The following LGMN variants were observed in gnomAD, a reference collection of about 807,000 sequenced individuals.
LGMN encodes legumain.
In LGMN, 36 loss-of-function variants were observed where a neutral mutation model predicts 56.8. The observed-to-expected ratio is 0.63, with a 90% CI of 0.49 to 0.84. The LOEUF is 0.84. Ranked by LOEUF, LGMN falls within the 40% of genes least tolerant of loss-of-function variation. The probability of loss-of-function intolerance (pLI) is 0.00; values close to 1 mark genes in which losing one functional copy is unlikely to be tolerated. For missense variants in LGMN, 446 were observed against 556.1 expected, an observed-to-expected ratio of 0.80 and a Z score of 1.99; for synonymous variants, 199 against 210.1, an observed-to-expected ratio of 0.95 and a Z score of 0.46.
intron 5 of LGMN, among the ~76,000 whole-genome samples, chr14:92,715,586 A>C (rs1317549467): frequency 6.6e-6 from 1 of 152,200 alleles, no homozygotes; most frequent in Non-Finnish European, 1.5e-5. Context: ...ATGCTACTAG[A>C]ATCTCTGGCA....
At chr14:92,732,447 T>C (rs1891095805) in intron 2 of LGMN, 1 of 561,678 alleles carries the variant, frequency 1.8e-6, no homozygotes, top group African/African-American at 1.9e-5. Context: ...TTTTCCAAAA[T>C]GGCTACACCA....
chr14:92,745,658 A>G (rs550261880), intron 1 of LGMN, among the ~76,000 whole-genome samples: 1 of 152,320 alleles, frequency 6.6e-6, no homozygotes, highest in Admixed American at 6.5e-5. Context: ...AACCATTATA[A>G]ACAGTGTTGC....
intron 2 of LGMN, among the ~76,000 whole-genome samples, chr14:92,719,218 A>ACCG (rs1890259823): frequency 2.1e-5 from 2 of 94,872 alleles, no homozygotes; most frequent in African/African-American, 1.0e-4. Context: ...CACCGCCACC[A>ACCG]ACACCACCAC....
intron 12 of LGMN, chr14:92,705,039 G>A (rs1447832276): frequency 1.1e-5 from 3 of 280,668 alleles, no homozygotes; most frequent in Non-Finnish European, 2.2e-5. Flanking sequence ...TTTGATTCTG[G>A]GAGGGACACG....
chr14:92,734,511 G>A (rs1349716225), intron 1 of LGMN, among the ~76,000 whole-genome samples: 1 of 151,998 alleles, frequency 6.6e-6, no homozygotes, highest in Non-Finnish European at 1.5e-5. Flanking sequence ...GTGGTGGCAG[G>A]AGCCTGTAAT....
chr14:92,746,793 T>C (rs1003884095), intron 1 of LGMN, among the ~76,000 whole-genome samples: 1 of 151,946 alleles, frequency 6.6e-6, no homozygotes, highest in African/African-American at 2.4e-5. Flanking sequence ...TCTCAGCACT[T>C]TGGGAGGCCG....
At chr14:92,742,601 T>TA (rs890321788) in intron 1 of LGMN, among the ~76,000 whole-genome samples, 17 of 152,052 alleles carry the variant, frequency 1.1e-4, no homozygotes, top group African/African-American at 3.1e-4. Flanking sequence ...TTGCTGTTTT[T>TA]AAAAAATACC....
chr14:92,719,114 ACCC>A (rs1210269159), intron 2 of LGMN, among the ~76,000 whole-genome samples: 2 of 149,598 alleles, frequency 1.3e-5, no homozygotes, highest in East Asian at 3.9e-4. Context: ...GCACATACAC[ACCC>A]CACCACCACA....
At chr14:92,738,348 G>A (rs372468509) in intron 1 of LGMN, among the ~76,000 whole-genome samples, 3 of 150,386 alleles carry the variant, frequency 2.0e-5, no homozygotes, top group East Asian at 2.0e-4. Flanking sequence ...GCGCTATCTC[G>A]GCTCACTGCA....
rs1052887112 is a variant in LGMN, at chr14:92,707,068, G to C, written c.1021-415C>G. Among the ~76,000 whole-genome samples the C allele has an allele frequency of 4.6e-5, 7 of 151,996 alleles. 1 individual carries two copies. Among genetic ancestry groups the C allele is most frequent in the East Asian group, 3.9e-4 (2 of 5,186 alleles). On this transcript the variant is annotated intron_variant, in intron 11 of 13. Transcript: ENST00000334869. ...TTTTCTTTCCAGACAATGAAAAACA[G>C]CATCATAAAGAAGAAAATGCTTCTA... is the stretch of plus-strand genomic sequence containing the variant.
At position 92,719,343 on chromosome 14, in the gene LGMN, C is replaced by T. The variant is rs867634734; in HGVS notation, c.139-499G>A. Among the ~76,000 whole-genome samples the T allele has an allele frequency of 4.0e-3, 563 of 140,422 alleles. 6 individuals carry two copies. The highest frequency in any genetic ancestry group is 0.015 in the African/African-American group (535 of 35,094). 92.1% of individuals were successfully genotyped at this position (140,422 alleles called of 152,430 possible). A position where few individuals can be genotyped will look rare whatever the true frequency, so the allele number is the denominator to read the frequency against. On this transcript the variant is annotated intron_variant, in intron 2 of 13. Coordinates refer to ENST00000334869, the MANE Select transcript of LGMN (RefSeq NM_005606.7). ...CCGCCGCCACCGCCACCGCCATCAC[C>T]GCCACCACCACCAACACCACCACCA...
intron 2 of LGMN, among the ~76,000 whole-genome samples, chr14:92,722,392 C>A (rs772290349): frequency 4.6e-5 from 7 of 152,010 alleles, no homozygotes; most frequent in Non-Finnish European, 8.8e-5. Flanking sequence ...ACCAGGCTGG[C>A]CAATATGGTA....
At chr14:92,732,323 G>A (rs986151771) in intron 2 of LGMN, 18 of 269,206 alleles carry the variant, frequency 6.7e-5, no homozygotes, top group Middle Eastern at 1.3e-3. Context: ...TGCACAAGAC[G>A]GCCCCCAACA....
intron 2 of LGMN, among the ~76,000 whole-genome samples, chr14:92,729,722 G>A (rs1890951204): frequency 6.6e-6 from 1 of 152,204 alleles, no homozygotes; most frequent in African/African-American, 2.4e-5. Context: ...AGGTTCTGTG[G>A]AGACCGTTCT....
chr14:92,713,816 G>A lies in LGMN; in HGVS notation c.543+7C>T. On this transcript the variant is annotated splice_region_variant and intron_variant, in intron 7 of 13. Transcript: ENST00000334869. ...CCCCCACAAGGCTGCCCCAAGGGCTGAATTACCTTTCGGTACATTTTGTGT... is the reference window on the plus strand; with the variant it reads ...CCCCCACAAGGCTGCCCCAAGGGCTAAATTACCTTTCGGTACATTTTGTGT... 2 of 1,608,568 alleles carry A rather than the reference G, an allele frequency of 1.2e-6. No homozygotes were observed. Among genetic ancestry groups the A allele is most frequent in the South Asian group, 2.2e-5 (2 of 90,932 alleles).
intron 11 of LGMN, among the ~76,000 whole-genome samples, chr14:92,707,092 T>C (rs956070447): frequency 6.6e-6 from 1 of 152,080 alleles, no homozygotes. Context: ...AAAATGCTTC[T>C]ACACTACCCT....
Position 92,706,575 on chromosome 14 carries a change from G to A in LGMN, c.1099C>T (p.Leu367=). 1 of 1,605,030 alleles carries A rather than the reference G, an allele frequency of 6.2e-7. No homozygotes were observed. Among genetic ancestry groups the A allele is most frequent in the Non-Finnish European group, 8.5e-7 (1 of 1,172,630 alleles). Residue 367 remains leucine (L), a synonymous_variant, in exon 12 of 14, where the codon CTG becomes TTG. Coordinates refer to ENST00000334869, the MANE Select transcript of LGMN (RefSeq NM_005606.7). ...AASEAEVEQL[L]SERAPLTGHS... ...CCCGTGAGCGGGGCTCTCTCGGACA[G>A]GAGCTGCTCCACCTCAGCCTCGGAC... is the stretch of plus-strand genomic sequence containing the variant.
chr14:92,708,856 C>CAAAAAAAAAAAAAAAAAA lies in LGMN; in HGVS notation c.1020+798_1020+815dup, dbSNP rs58813848. Among the ~76,000 whole-genome samples the CAAAAAAAAAAAAAAAAAA allele has an allele frequency of 1.1e-3, 82 of 71,636 alleles. 4 individuals are homozygous for CAAAAAAAAAAAAAAAAAA. Among genetic ancestry groups the CAAAAAAAAAAAAAAAAAA allele is most frequent in the African/African-American group, 3.6e-3 (71 of 19,474 alleles). 47.0% of individuals were successfully genotyped at this position (71,636 alleles called of 152,430 possible). On this transcript the variant is annotated intron_variant, in intron 11 of 13. Coordinates refer to ENST00000334869, the MANE Select transcript of LGMN (RefSeq NM_005606.7). ...TGGCGACAGAGCAAGACTCTTGTCT[C>CAAAAAAAAAAAAAAAAAA]AAAAAAAAAAAAAAAAAAAAAAAAA...
intron 1 of LGMN, among the ~76,000 whole-genome samples, chr14:92,736,110 G>C (rs1228837608): frequency 6.6e-6 from 1 of 152,218 alleles, no homozygotes; most frequent in African/African-American, 2.4e-5. Context: ...TCTACAGACA[G>C]AACAGGGTGT....
Sources: allele counts gnomAD v4.1 joint callset (sites outside exome capture counted in the v4.1 genomes callset), GRCh38; gene constraint gnomAD v4.1.1; transcripts MANE v1.5; gene names NCBI Gene and HGNC (gene_info 2026-07-23, HGNC 2026-07-21).